XRCC5: variants seen among roughly 807,000 people sequenced by gnomAD.
XRCC5 encodes X-ray repair cross complementing 5, also known as DNA repair protein Ku80.
A neutral mutation model predicts 95.7 loss-of-function variants in XRCC5; 12 were observed. That is an observed-to-expected ratio of 0.13 (90% CI 0.08 to 0.20). XRCC5 has a LOEUF of 0.20. Ranked by LOEUF, XRCC5 falls within the 10% of genes least tolerant of loss-of-function variation. XRCC5 has a pLI of 1.00. For missense variants in XRCC5, 595 were observed against 873.9 expected, an observed-to-expected ratio of 0.68 and a Z score of 4.02; for synonymous variants, 281 against 290.3, an observed-to-expected ratio of 0.97 and a Z score of 0.33.
intron 16 of XRCC5, among the ~76,000 whole-genome samples, chr2:216,172,929 T>C (rs1433967752): frequency 6.6e-6 from 1 of 152,226 alleles, no homozygotes; most frequent in Non-Finnish European, 1.5e-5. Context: ...CCATAATGTT[T>C]TATAGTTTTT....
chr2:216,138,834 T>C (rs1244557380), intron 12 of XRCC5, among the ~76,000 whole-genome samples: 2 of 152,154 alleles, frequency 1.3e-5, no homozygotes, highest in Non-Finnish European at 2.9e-5. Flanking sequence ...CAACAAATGA[T>C]GAGTAGATGT....
At chr2:216,124,634 G>A (rs1208427076) in intron 6 of XRCC5, among the ~76,000 whole-genome samples, 3 of 152,112 alleles carry the variant, frequency 2.0e-5, no homozygotes, top group South Asian at 2.1e-4. Flanking sequence ...TCTACTATTC[G>A]TTGTAAATTA....
chr2:216,189,381 C>T (rs1240779082), intron 16 of XRCC5, among the ~76,000 whole-genome samples: 1 of 152,224 alleles, frequency 6.6e-6, no homozygotes, highest in East Asian at 1.9e-4. Flanking sequence ...ATTTGTTCTT[C>T]CACACACAGA....
chr2:216,202,224 G>T (rs966725063), intron 19 of XRCC5, among the ~76,000 whole-genome samples: 12 of 152,118 alleles, frequency 7.9e-5, no homozygotes, highest in African/African-American at 2.9e-4. Flanking sequence ...GAGATTTATG[G>T]CAGGATGCAG....
chr2:216,126,096 A>AACAG (rs1696896294), intron 7 of XRCC5, 65 bp downstream of exon 7: 1 of 1,298,514 alleles, frequency 7.7e-7, no homozygotes, highest in South Asian at 1.2e-5. Flanking sequence ...GTATATAAGG[A>AACAG]ACAGACAATT....
At chr2:216,112,912 C>T in intron 1 of XRCC5, 104 bp from the exon 2 acceptor site, 4 of 867,026 alleles carry the variant, frequency 4.6e-6, no homozygotes, top group African/African-American at 3.4e-5. Context: ...TCACACCTTT[C>T]CTAAATACTG....
intron 13 of XRCC5, among the ~76,000 whole-genome samples, chr2:216,145,735 A>C (rs1688617924): frequency 6.6e-6 from 1 of 152,234 alleles, no homozygotes; most frequent in Admixed American, 6.5e-5. Context: ...TTAACGGATG[A>C]TGACACTGAA....
chr2:216,192,826 A>G lies in XRCC5; in HGVS notation c.2041+91A>G, dbSNP rs1689642433. Reference sequence around the variant, plus strand: ...ATATACATATAAATTCTAAATATAAACTGTATTGTATAATGAGTTATGTGG... The same window carrying G: ...ATATACATATAAATTCTAAATATAAGCTGTATTGTATAATGAGTTATGTGG... On this transcript the variant is annotated intron_variant, in intron 18 of 20. Transcript: ENST00000392132. The G allele has an allele frequency of 3.4e-6, 3 of 879,944 alleles. No homozygotes were observed. The African/African-American group carries it at 5.2e-5, about 15-fold the overall frequency. The allele number at this position is 879,944 out of a possible 1,614,324, so 54.5% of individuals were successfully genotyped here.
chr2:216,138,302 A>G lies in XRCC5; in HGVS notation c.1342+123A>G, dbSNP rs1004089996. Reference sequence around the variant, plus strand: ...GGTGCAATTAGTTGGATTTCCAATCATACACTTAGACACAGTAATGATGAA... The same window carrying G: ...GGTGCAATTAGTTGGATTTCCAATCGTACACTTAGACACAGTAATGATGAA... On this transcript the variant is annotated intron_variant, in intron 12 of 20. Coordinates refer to ENST00000392132, the MANE Select transcript of XRCC5 (RefSeq NM_021141.4). 1.4e-4 allele frequency: 115 copies of G among 794,124 alleles called. No homozygotes were observed. In the African/African-American group the frequency reaches 1.9e-3, roughly 13 times the overall value. 49.2% of individuals were successfully genotyped at this position (794,124 alleles called of 1,614,324 possible).
intron 16 of XRCC5, among the ~76,000 whole-genome samples, chr2:216,189,868 A>G (rs1689582194): frequency 6.6e-6 from 1 of 152,198 alleles, no homozygotes; most frequent in Non-Finnish European, 1.5e-5. Context: ...GGCAGTTTTG[A>G]ATTATCCAAA....
chr2:216,175,323 C>T, intron 16 of XRCC5: 2 of 459,230 alleles, frequency 4.4e-6, no homozygotes, highest in South Asian at 3.3e-5. Context: ...CCAAAGTTTC[C>T]ACCACAGCCA....
chr2:216,125,854 A>G (rs1216319628), intron 6 of XRCC5, 63 bp from the exon 7 acceptor site: 2 of 1,310,118 alleles, frequency 1.5e-6, no homozygotes, highest in African/African-American at 1.5e-5. Flanking sequence ...AATCAAATGC[A>G]TCATCCAGCA....
intron 6 of XRCC5, 95 bp downstream of exon 6, chr2:216,122,348 C>T: frequency 1.7e-6 from 2 of 1,195,146 alleles, no homozygotes; most frequent in Non-Finnish European, 1.2e-6. Context: ...TTTTCTGGGC[C>T]ACTCTCTAAT....
At chr2:216,195,806 G>A (rs762223725) in intron 19 of XRCC5, among the ~76,000 whole-genome samples, 4 of 152,106 alleles carry the variant, frequency 2.6e-5, no homozygotes, top group Non-Finnish European at 5.9e-5. Flanking sequence ...TATATACTTC[G>A]TAACACTCAG....
chr2:216,182,689 TTTC>T (rs1689412326), intron 16 of XRCC5, among the ~76,000 whole-genome samples: 2 of 152,236 alleles, frequency 1.3e-5, no homozygotes, highest in Non-Finnish European at 2.9e-5. Flanking sequence ...CTTTAGTTTC[TTTC>T]TTATGTTAGC....
At chr2:216,125,813 AATTAAC>A in intron 6 of XRCC5, 98 bp from the exon 7 acceptor site, 1 of 885,540 alleles carries the variant, frequency 1.1e-6, no homozygotes, top group Non-Finnish European at 1.7e-6. Context: ...CTCTCTTTAT[AATTAAC>A]ATTAGCTCAC....
chr2:216,149,064 T>G (rs757903185), intron 14 of XRCC5, among the ~76,000 whole-genome samples: 2 of 152,214 alleles, frequency 1.3e-5, no homozygotes, highest in Non-Finnish European at 2.9e-5. Context: ...TGAAATCTGA[T>G]TTTAAACCAT....
chr2:216,153,127 A>G (rs1183755324), intron 14 of XRCC5, among the ~76,000 whole-genome samples: 1 of 152,100 alleles, frequency 6.6e-6, no homozygotes, highest in Admixed American at 6.6e-5. Flanking sequence ...TCTCATTCTC[A>G]CCAGCTTTTG....
chr2:216,189,774 A>C (rs1201911667), intron 16 of XRCC5, among the ~76,000 whole-genome samples: 2 of 152,114 alleles, frequency 1.3e-5, no homozygotes, highest in Non-Finnish European at 2.9e-5. Context: ...ATTATTTTTC[A>C]CTGCCCAGCA....
Sources: allele counts gnomAD v4.1 joint callset (sites outside exome capture counted in the v4.1 genomes callset), GRCh38; gene constraint gnomAD v4.1.1; transcripts MANE v1.5; gene names NCBI Gene and HGNC (gene_info 2026-07-23, HGNC 2026-07-21).